TRPC3: variants seen among roughly 807,000 people sequenced by gnomAD.
TRPC3 encodes the protein transient receptor potential cation channel subfamily C member 3, also known as short transient receptor potential channel 3.
A neutral mutation model predicts 90.9 loss-of-function variants in TRPC3; 54 were observed. The ratio of observed to expected loss-of-function variants is 0.59; its 90% confidence interval spans 0.48 to 0.75. The LOEUF (loss-of-function observed/expected upper bound fraction) is 0.75, where lower values mean the gene tolerates loss of function less well. Among genes scored for constraint, TRPC3 ranks in the 30% least tolerant of loss-of-function variants. TRPC3 has a pLI of 0.00. For synonymous variants in TRPC3, 424 were observed against 450.9 expected (o/e 0.94, Z 0.75); for missense variants, 918 against 1,194.5 (o/e 0.77, Z 3.41).
chr4:121,904,206 T>G (rs1728804557), intron 8 of TRPC3, 116 bp downstream of exon 8: 3 of 841,644 alleles, frequency 3.6e-6, no homozygotes, highest in Non-Finnish European at 5.4e-6. Flanking sequence ...AGGCTCTGTG[T>G]GGATATAAGC....
At chr4:121,936,418 G>A (rs1578653400) in intron 1 of TRPC3, among the ~76,000 whole-genome samples, 2 of 152,310 alleles carry the variant, frequency 1.3e-5, no homozygotes, top group Admixed American at 1.3e-4. Flanking sequence ...AACACCGCGA[G>A]AGTGCATTCT....
intron 1 of TRPC3, among the ~76,000 whole-genome samples, chr4:121,946,455 C>T (rs1560721589): frequency 6.6e-6 from 1 of 152,078 alleles, no homozygotes; most frequent in Admixed American, 6.6e-5. Flanking sequence ...AATCAATTAT[C>T]AAAGAAAATA....
At chr4:121,928,520 G>A (rs1431596901) in intron 2 of TRPC3, among the ~76,000 whole-genome samples, 2 of 152,204 alleles carry the variant, frequency 1.3e-5, no homozygotes, top group African/African-American at 4.8e-5. Context: ...TCCACCTTGA[G>A]GCCGCATTGA....
At chr4:121,897,647 C>CAAA (rs36070208) in intron 10 of TRPC3, among the ~76,000 whole-genome samples, 6 of 147,292 alleles carry the variant, frequency 4.1e-5, no homozygotes, top group Admixed American at 1.3e-4. Context: ...ATCAAAAAGA[C>CAAA]AAAAAAAAAA....
chr4:121,896,678 T>C (rs1031980789), intron 10 of TRPC3, among the ~76,000 whole-genome samples: 24 of 144,996 alleles, frequency 1.7e-4, no homozygotes, highest in Admixed American at 8.0e-4. Context: ...CACATGCTCA[T>C]GGATCAGAAG....
In TRPC3 at chr4:121,907,576, AAGAG is replaced by A. The variant is rs1728931026; in HGVS notation, c.1793-13_1793-10del. On this transcript the variant is annotated splice_polypyrimidine_tract_variant and intron_variant, in intron 6 of 11. Transcript: ENST00000379645. ...GAGCCATTTATCTCTAGCTAGAAAA[AAGAG>A]AGAAAGAGATTAAAAATGGAGCTTT... 1 of 1,585,652 alleles carries A rather than the reference AAGAG, an allele frequency of 6.3e-7. No individual in the cohort carries two copies.
At chr4:121,950,258 C>A (rs966569023) in intron 1 of TRPC3, among the ~76,000 whole-genome samples, 5 of 152,106 alleles carry the variant, frequency 3.3e-5, no homozygotes, top group African/African-American at 9.7e-5. Flanking sequence ...CCTGACCAGG[C>A]GCAGACTCTG....
chr4:121,902,918 A>G lies in TRPC3; in HGVS notation c.2397T>C (p.Phe799=). The change falls in exon 9 of 12, where the codon TTT becomes TTC. Residue 799 remains phenylalanine, a synonymous_variant. Coordinates refer to ENST00000379645, the MANE Select transcript of TRPC3 (RefSeq NM_001130698.2). ...GAAGCCTTCTCCTTCTGCATTTGGG[A>G]AAGTTAACAATTCGCATGATGAAAT... The part of the protein sequence containing the change: ...FVYFIMRIVN[F]PKCRRRRLQK... 6.2e-7 allele frequency: 1 copy of G among 1,613,574 alleles called. No individual in the cohort carries two copies. The highest frequency in any genetic ancestry group is 8.5e-7 in the Non-Finnish European group (1 of 1,179,764).
intron 4 of TRPC3, among the ~76,000 whole-genome samples, chr4:121,914,571 T>C (rs1170324821): frequency 4.0e-5 from 6 of 151,370 alleles, no homozygotes; most frequent in Admixed American, 3.9e-4. Flanking sequence ...ACTTTATGCC[T>C]GCAAATGTGG....
At chr4:121,942,556 G>A (rs567421498) in intron 1 of TRPC3, among the ~76,000 whole-genome samples, 3 of 152,268 alleles carry the variant, frequency 2.0e-5, no homozygotes, top group Admixed American at 6.5e-5. Context: ...GTGACAGAAC[G>A]AGACCCTGTC....
chr4:121,951,589 G>GCGCCCTCGTCCT lies in TRPC3; in HGVS notation c.80_91dup (p.Glu27_Gly30dup), dbSNP rs1365461890. The GCGCCCTCGTCCT allele has an allele frequency of 3.4e-6, 5 of 1,453,190 alleles. No individual in the cohort carries two copies. The highest frequency in any genetic ancestry group is 4.6e-6 in the Non-Finnish European group (5 of 1,098,466). 90.0% of individuals were successfully genotyped at this position (1,453,190 alleles called of 1,614,324 possible). ...GCCCCGGCGGCGGCGCTGCGGCTCC[G>GCGCCCTCGTCCT]CGCCCTCGTCCTCGCCCTCGTCTTC... On this transcript the variant is annotated inframe_insertion, in exon 1 of 12. Transcript: ENST00000379645. This position sits in a 1 kb window ranked among gnomAD's most constrained non-coding sequence, Gnocchi z 4.4.
chr4:121,907,615 G>T, intron 6 of TRPC3, 48 bp from the exon 7 acceptor site: 1 of 1,555,560 alleles, frequency 6.4e-7, no homozygotes, highest in Non-Finnish European at 8.7e-7. Flanking sequence ...TCTATTCATT[G>T]CCAACTACGC....
rs545128455 is a variant in TRPC3, at chr4:121,918,620, C to G, written c.1177-3676G>C. Among the ~76,000 whole-genome samples the G allele has an allele frequency of 9.1e-4, 139 of 152,250 alleles. 1 individual carries two copies. The highest frequency in any genetic ancestry group is 3.1e-3 in the African/African-American group (130 of 41,546). ...TAGTAACCAAAATTGTGGGTGTTTG[C>G]ATTTTGCCTGTTACACTTTAAAATT... On this transcript the variant is annotated intron_variant, in intron 3 of 11. Coordinates refer to ENST00000379645, the MANE Select transcript of TRPC3 (RefSeq NM_001130698.2).
intron 1 of TRPC3, among the ~76,000 whole-genome samples, chr4:121,943,843 C>A (rs1201168144): frequency 6.6e-6 from 1 of 152,130 alleles, no homozygotes; most frequent in Non-Finnish European, 1.5e-5. Flanking sequence ...ATTTAAGTCT[C>A]ATTTTTTAAA....
At chr4:121,891,546 A>G (rs185398012) in intron 10 of TRPC3, among the ~76,000 whole-genome samples, 204 of 152,292 alleles carry the variant, frequency 1.3e-3, no homozygotes, top group Non-Finnish European at 1.7e-3. Flanking sequence ...AGCTAAAGGC[A>G]ATTAAAAAGT....
intron 4 of TRPC3, among the ~76,000 whole-genome samples, chr4:121,914,222 C>A (rs1164082255): frequency 1.3e-5 from 2 of 152,198 alleles, no homozygotes; most frequent in Admixed American, 6.5e-5. Context: ...GAACCTAAAT[C>A]CTACATTTTT....
intron 1 of TRPC3, among the ~76,000 whole-genome samples, chr4:121,948,500 C>G (rs1730569493): frequency 6.6e-6 from 1 of 152,166 alleles, no homozygotes. Flanking sequence ...CCACTTCAAT[C>G]CAGAGTGGGT....
chr4:121,907,680 T>C, intron 6 of TRPC3, 113 bp from the exon 7 acceptor site: 5 of 1,143,490 alleles, frequency 4.4e-6, no homozygotes, highest in Non-Finnish European at 4.9e-6. Context: ...ACCATCTCAG[T>C]TGAAACTAAT....
chr4:121,880,390 T>C (rs1194114023), intron 11 of TRPC3, among the ~76,000 whole-genome samples: 1 of 152,158 alleles, frequency 6.6e-6, no homozygotes, highest in Non-Finnish European at 1.5e-5. Flanking sequence ...GGAGTGTTTA[T>C]TAGGGAAGGC....
Sources: allele counts gnomAD v4.1 joint callset (sites outside exome capture counted in the v4.1 genomes callset), GRCh38; gene constraint gnomAD v4.1.1; non-coding constraint Gnocchi (gnomAD v3.1); transcripts MANE v1.5; gene names NCBI Gene and HGNC (gene_info 2026-07-23, HGNC 2026-07-21).